LRRCC1: variants seen among roughly 807,000 people sequenced by gnomAD.
The protein encoded by LRRCC1 is leucine-rich repeat and coiled-coil domain-containing protein 1.
LRRCC1 carries 115 observed loss-of-function variants against 126.0 expected under a neutral mutation model. The ratio of observed to expected loss-of-function variants is 0.91; its 90% CI spans 0.78 to 1.07. The LOEUF is 1.07. Among genes scored for constraint, LRRCC1 ranks in the 50% least tolerant of loss-of-function variants. The pLI is 0.00. For missense variants in LRRCC1, 1,172 were observed against 1,175.7 expected, an observed-to-expected ratio of 1.00 and a Z score of 0.05; for synonymous variants, 400 against 393.4, an observed-to-expected ratio of 1.02 and a Z score of -0.20.
In LRRCC1 at chr8:85,129,242, C is replaced by T. The variant is rs570042742; in HGVS notation, c.1489C>T (p.Gln497Ter). 2 of 1,613,308 alleles carry T rather than the reference C, an allele frequency of 1.2e-6. No homozygotes were observed. The highest frequency in any genetic ancestry group is 1.7e-6 in the Non-Finnish European group (2 of 1,179,710). The change falls in exon 10 of 19, where the codon CAA (glutamine) becomes TAA (stop). Residue 497 changes from glutamine to a stop codon, truncating the protein, a stop_gained. Transcript: ENST00000360375. LOFTEE classifies it high-confidence loss of function. ...ACTCGAAGTTATGGTTCACAAACTT[C>T]AAAATGAAATTAAAAAACTGACTGT... ...GQLEVMVHKL[Q>*]NEIKKLTVEL...
chr8:85,130,459 A>C (rs867463130), intron 11 of LRRCC1, among the ~76,000 whole-genome samples: 2 of 151,990 alleles, frequency 1.3e-5, no homozygotes, highest in African/African-American at 4.8e-5. Context: ...CCAGTATTTA[A>C]AGATAGTGAT....
At position 85,107,321 on chromosome 8, in the gene LRRCC1, C is replaced by T. The variant is rs757206537; in HGVS notation, c.26C>T (p.Ala9Val). The change falls in exon 1 of 19, where the codon GCG (alanine) becomes GTG (valine). Residue 9 changes from alanine to valine, a missense_variant. Physicochemically the swap from Ala to Val is moderately conservative, Grantham distance 64. Coordinates refer to ENST00000360375, the MANE Select transcript of LRRCC1 (RefSeq NM_033402.5). MEAAAAVV[A>V]AEAEVENEDG... ...ATGGAGGCGGCGGCGGCGGTGGTGG[C>T]GGCAGAGGCGGAAGTGGAAAACGAA... The T allele has an allele frequency of 1.2e-6, 2 of 1,612,702 alleles. No individual in the cohort carries two copies.
intron 18 of LRRCC1, 76 bp downstream of exon 18, chr8:85,141,593 T>TA: frequency 1.7e-6 from 2 of 1,156,370 alleles, no homozygotes; most frequent in Non-Finnish European, 1.2e-6. Flanking sequence ...CTTCGAGAAT[T>TA]ATAAAGAGAA....
intron 8 of LRRCC1, 119 bp from the exon 9 acceptor site, chr8:85,126,570 G>A (rs1426244772): frequency 4.0e-6 from 3 of 741,028 alleles, no homozygotes; most frequent in Non-Finnish European, 6.0e-6. Context: ...AAAATAAAAA[G>A]TTTCACTGTA....
intron 8 of LRRCC1, among the ~76,000 whole-genome samples, chr8:85,125,750 C>T (rs1809943525): frequency 6.9e-6 from 1 of 145,434 alleles, no homozygotes; most frequent in Non-Finnish European, 1.5e-5. Flanking sequence ...TGTTGAGAAA[C>T]TTCAGTACTT....
chr8:85,126,472 T>C (rs940517774), intron 8 of LRRCC1, among the ~76,000 whole-genome samples: 1 of 152,108 alleles, frequency 6.6e-6, no homozygotes, highest in African/African-American at 2.4e-5. Context: ...GCAGAAGAAT[T>C]GCTGGAATCC....
chr8:85,124,917 A>C lies in LRRCC1; in HGVS notation c.1250A>C (p.His417Pro). 1.9e-6 allele frequency: 3 copies of C among 1,603,972 alleles called. No homozygotes were observed. The highest frequency in any genetic ancestry group is 1.7e-4 in the Middle Eastern group (1 of 6,038). ...GAAATAATTAAAGTAGACCAAAGTCACTCAGAAGACAACACTTACCAGGTA... is the reference window on the plus strand; with the variant it reads ...GAAATAATTAAAGTAGACCAAAGTCCCTCAGAAGACAACACTTACCAGGTA... The part of the protein sequence containing the change: ...KTEIIKVDQS[H>P]SEDNTYQSLV... Residue 417 changes from histidine (H) to proline (P), a missense_variant, in exon 8 of 19, where the codon CAC becomes CCC. Physicochemically the swap from His to Pro is moderately conservative, Grantham distance 77 (BLOSUM62 -2). Coordinates refer to ENST00000360375, the MANE Select transcript of LRRCC1 (RefSeq NM_033402.5).
At chr8:85,110,226 C>T in intron 3 of LRRCC1, 46 bp downstream of exon 3, 3 of 819,140 alleles carry the variant, frequency 3.7e-6, no homozygotes, top group Non-Finnish European at 5.6e-6. Flanking sequence ...TGTTGTGCCA[C>T]ATGTGATAAG....
At chr8:85,133,431 T>C (rs1810631216) in intron 12 of LRRCC1, among the ~76,000 whole-genome samples, 1 of 152,202 alleles carries the variant, frequency 6.6e-6, no homozygotes. Context: ...ACTCATTCTC[T>C]TGGTAAACTC....
intron 6 of LRRCC1, among the ~76,000 whole-genome samples, chr8:85,121,719 T>C (rs776633202): frequency 3.3e-5 from 5 of 152,164 alleles, no homozygotes; most frequent in Non-Finnish European, 5.9e-5. Context: ...GGGATAGAAT[T>C]CAGTTTTAAT....
rs781550220 is a variant in LRRCC1 at position 85,124,823 on chromosome 8, A to C, written c.1156A>C (p.Lys386Gln). 4 of 1,577,764 alleles carry C rather than the reference A, an allele frequency of 2.5e-6. No individual in the cohort carries two copies. In the East Asian group the frequency reaches 9.1e-5, roughly 36 times the overall value. The change falls in exon 8 of 19, where the codon AAA (lysine) becomes CAA (glutamine). Residue 386 changes from lysine (K) to glutamine (Q), a missense_variant. Lys to Gln is a moderately conservative substitution (Grantham distance 53). Transcript: ENST00000360375. ...CNRKMKPPYL[K>Q]ELYVSSSLAN... ...TCGTAAAATGAAACCACCTTACCTT[A>C]AAGAATTATATGTAAGCTCATCTTT...
At chr8:85,141,748 G>A (rs1811266364) in intron 18 of LRRCC1, among the ~76,000 whole-genome samples, 2 of 152,138 alleles carry the variant, frequency 1.3e-5, no homozygotes, top group Admixed American at 1.3e-4. Context: ...TGATTCTAGT[G>A]TGTACTTTCT....
At position 85,131,395 on chromosome 8, in the gene LRRCC1, C is replaced by A. The variant is rs548742465; in HGVS notation, c.1767-365C>A. ...CACTTTAACTGACTTTTTCTATTAACAAACCACCAGTGCTAATCAGACTGT... is the reference window on the plus strand; with the variant it reads ...CACTTTAACTGACTTTTTCTATTAAAAAACCACCAGTGCTAATCAGACTGT... On this transcript the variant is annotated intron_variant, in intron 11 of 18. Transcript: ENST00000360375. 2.6e-5 allele frequency among the ~76,000 whole-genome samples: 4 copies of A among 152,296 alleles called. No individual in the cohort carries two copies. In the South Asian group the frequency reaches 6.2e-4, roughly 24 times the overall value.
chr8:85,113,286 CAG>C (rs1452675524), intron 4 of LRRCC1, among the ~76,000 whole-genome samples, 187 bp downstream of exon 4: 1 of 152,044 alleles, frequency 6.6e-6, no homozygotes, highest in Non-Finnish European at 1.5e-5. Context: ...ACAAGATGAA[CAG>C]TTCAGTGATG....
chr8:85,123,303 G>C, intron 6 of LRRCC1, 110 bp from the exon 7 acceptor site: 1 of 728,504 alleles, frequency 1.4e-6, no homozygotes, highest in Non-Finnish European at 2.2e-6. Context: ...AACATTTCTA[G>C]TTTATAAACC....
At position 85,123,432 on chromosome 8, in the gene LRRCC1, A is replaced by T. The variant is rs2135950080; in HGVS notation, c.950A>T (p.Asn317Ile). Residue 317 changes from asparagine (N) to isoleucine (I), a missense_variant, in exon 7 of 19, where the codon AAC (asparagine) becomes ATC (isoleucine). Coordinates refer to ENST00000360375, the MANE Select transcript of LRRCC1 (RefSeq NM_033402.5). ...LLNETSNSID[N>I]VLEKDPRPKR... ...TTTTAGACTTCTAATTCAATAGATA[A>T]CGTTCTTGAGAAAGACCCCAGACCA... The T allele has an allele frequency of 6.3e-7, 1 of 1,596,762 alleles. No individual in the cohort carries two copies. The highest frequency in any genetic ancestry group is 8.5e-7 in the Non-Finnish European group (1 of 1,175,404).
rs969708144 is a variant in LRRCC1, at chr8:85,131,862, A to G, written c.1869A>G (p.Lys623=). The part of the protein sequence containing the change: ...KEEKKHEQMI[K]EYQEKIDVLS... ...AGAAAAAGCATGAGCAAATGATAAA[A>G]GAATACCAAGAGAAAATTGACGTGT... The change falls in exon 12 of 19, where the codon AAA becomes AAG. Residue 623 remains lysine (K), a synonymous_variant. Coordinates refer to ENST00000360375, the MANE Select transcript of LRRCC1 (RefSeq NM_033402.5). The G allele has an allele frequency of 6.2e-7, 1 of 1,613,804 alleles. No individual in the cohort carries two copies. Among genetic ancestry groups the G allele is most frequent in the Non-Finnish European group, 8.5e-7 (1 of 1,179,880 alleles).
intron 14 of LRRCC1, among the ~76,000 whole-genome samples, chr8:85,136,862 G>A (rs1810909225): frequency 6.6e-6 from 1 of 152,082 alleles, no homozygotes; most frequent in Non-Finnish European, 1.5e-5. Context: ...GTCTCACTCT[G>A]TTGCCCAGGC....
chr8:85,121,341 G>C (rs1809531392), intron 6 of LRRCC1, among the ~76,000 whole-genome samples: 1 of 151,932 alleles, frequency 6.6e-6, no homozygotes, highest in Non-Finnish European at 1.5e-5. Flanking sequence ...TTTGTTTTCT[G>C]TTTGTCTCTT....
Sources: allele counts gnomAD v4.1 joint callset (sites outside exome capture counted in the v4.1 genomes callset), GRCh38; gene constraint gnomAD v4.1.1; transcripts MANE v1.5; gene names NCBI Gene and HGNC (gene_info 2026-07-23, HGNC 2026-07-21).